The following MAML3 variants were observed in gnomAD, a reference collection of about 807,000 sequenced individuals.
MAML3 encodes the protein mastermind like transcriptional coactivator 3.
In MAML3, 27 loss-of-function variants were observed where a neutral mutation model predicts 101.9. That is an observed-to-expected ratio of 0.27 (90% CI 0.20 to 0.37). The LOEUF (loss-of-function observed/expected upper bound fraction) is 0.37. Ranked by LOEUF, MAML3 falls within the 10% of genes least tolerant of loss-of-function variation. The pLI is 1.00. For synonymous variants in MAML3, 501 were observed against 555.9 expected (o/e 0.90, Z 1.39); for missense variants, 1,316 against 1,444.9 (o/e 0.91, Z 1.45).
intron 1 of MAML3, among the ~76,000 whole-genome samples, chr4:139,909,335 T>G (rs1732876398): frequency 6.6e-6 from 1 of 152,220 alleles, no homozygotes. Context: ...GCATGAATAT[T>G]TAACGAACAG....
At chr4:139,741,991 C>T (rs114391083) in intron 2 of MAML3, among the ~76,000 whole-genome samples, 9,311 of 152,050 alleles carry the variant, frequency 0.061, 477 homozygotes, top group Admixed American at 0.14. Flanking sequence ...TGGAGACACA[C>T]GGGCATAAAA....
intron 4 of MAML3, among the ~76,000 whole-genome samples, chr4:139,722,004 A>T (rs1286296137): frequency 6.6e-6 from 1 of 152,218 alleles, no homozygotes; most frequent in African/African-American, 2.4e-5. Flanking sequence ...GATTGATTGG[A>T]TAGACCCAAA....
intron 2 of MAML3, among the ~76,000 whole-genome samples, chr4:139,811,163 A>G (rs937522049): frequency 3.3e-5 from 5 of 152,230 alleles, no homozygotes; most frequent in African/African-American, 1.2e-4. Flanking sequence ...GGAAAATGAA[A>G]CTTTTTAAAA....
At chr4:139,765,512 C>A (rs1243229554) in intron 2 of MAML3, among the ~76,000 whole-genome samples, 1 of 152,182 alleles carries the variant, frequency 6.6e-6, no homozygotes, top group African/African-American at 2.4e-5. Flanking sequence ...CTAAAGGATT[C>A]CAATGTAATA....
intron 3 of MAML3, among the ~76,000 whole-genome samples, chr4:139,728,635 C>T (rs180755500): frequency 6.6e-6 from 1 of 152,312 alleles, no homozygotes; most frequent in African/African-American, 2.4e-5. Context: ...ACAGTTGCTA[C>T]GGAATGATCC....
At chr4:140,115,323 C>A (rs1199816686) in intron 1 of MAML3, among the ~76,000 whole-genome samples, 1 of 152,188 alleles carries the variant, frequency 6.6e-6, no homozygotes, top group Non-Finnish European at 1.5e-5. Context: ...TCTCAATTAA[C>A]ACAAATGCTT....
At chr4:139,846,407 C>T (rs1457931838) in intron 2 of MAML3, among the ~76,000 whole-genome samples, 1 of 152,080 alleles carries the variant, frequency 6.6e-6, no homozygotes, top group African/African-American at 2.4e-5. Flanking sequence ...AGTGCAGTGG[C>T]ACAATCATAG....
In MAML3 at chr4:140,152,943, T is replaced by C. The variant is rs368500112; in HGVS notation, c.385A>G (p.Thr129Ala). 63 of 1,612,452 alleles carry C rather than the reference T, an allele frequency of 3.9e-5. No individual in the cohort carries two copies. The highest frequency in any genetic ancestry group is 4.7e-5 in the Non-Finnish European group (56 of 1,179,558). The stretch of plus-strand genomic sequence containing the variant: ...TTGCTCGGGTGCTGCTGTTTGCCGG[T>C]GCCGGCGCCCGATTTCTTGGCCCTC... ...EQRAKKSGAG[T>A]GKQQHPSKPQ... is the part of the protein sequence containing the mutation. Residue 129 changes from threonine to alanine, a missense_variant, in exon 1 of 5, where the codon ACC becomes GCC. Coordinates refer to ENST00000509479, the MANE Select transcript of MAML3 (RefSeq NM_018717.5).
chr4:140,092,086 AC>A (rs1728064381), intron 1 of MAML3, among the ~76,000 whole-genome samples: 1 of 59,550 alleles, frequency 1.7e-5, no homozygotes, highest in Non-Finnish European at 5.1e-5. Flanking sequence ...GTATATATAT[AC>A]GTATATATAT....
At chr4:140,119,331 A>T (rs937663124) in intron 1 of MAML3, among the ~76,000 whole-genome samples, 3 of 152,206 alleles carry the variant, frequency 2.0e-5, no homozygotes, top group Non-Finnish European at 4.4e-5. Flanking sequence ...GCATGAAAGG[A>T]ACCCAGATTC....
At chr4:139,902,599 G>T (rs1027391495) in intron 1 of MAML3, among the ~76,000 whole-genome samples, 1 of 152,100 alleles carries the variant, frequency 6.6e-6, no homozygotes, top group African/African-American at 2.4e-5. Context: ...CATTTGAGCC[G>T]CTCTGAAAAT....
chr4:139,953,318 C>T (rs1217930122), intron 1 of MAML3, among the ~76,000 whole-genome samples: 3 of 152,106 alleles, frequency 2.0e-5, no homozygotes, highest in East Asian at 1.9e-4. Flanking sequence ...ATATGTTAAC[C>T]GCTCAAAAGT....
chr4:139,878,807 G>C (rs1732164914), intron 2 of MAML3, among the ~76,000 whole-genome samples: 1 of 152,220 alleles, frequency 6.6e-6, no homozygotes, highest in African/African-American at 2.4e-5. Context: ...CCTGAGAGCA[G>C]TCTTGCTCTG....
chr4:139,962,251 A>G (rs926193996), intron 1 of MAML3, among the ~76,000 whole-genome samples: 2 of 152,148 alleles, frequency 1.3e-5, no homozygotes, highest in African/African-American at 4.8e-5. Flanking sequence ...GCCTTTCTCA[A>G]TAGGTGTTGC....
intron 1 of MAML3, among the ~76,000 whole-genome samples, chr4:140,152,110 C>T (rs1000705418): frequency 6.6e-6 from 1 of 152,190 alleles, no homozygotes; most frequent in Admixed American, 6.5e-5. Context: ...CCGCTCCCCT[C>T]TTAACCCTCC....
At chr4:139,820,592 C>T (rs1730957262) in intron 2 of MAML3, among the ~76,000 whole-genome samples, 1 of 152,148 alleles carries the variant, frequency 6.6e-6, no homozygotes. Flanking sequence ...AAAAATCCAA[C>T]CTCAAGTTAT....
intron 1 of MAML3, among the ~76,000 whole-genome samples, chr4:139,998,322 C>G (rs899375356): frequency 1.1e-4 from 17 of 151,196 alleles, no homozygotes; most frequent in Non-Finnish European, 2.9e-5. Context: ...ATACTTTTAA[C>G]TCCAGAATTT....
At chr4:139,950,267 C>A (rs770613245) in intron 1 of MAML3, among the ~76,000 whole-genome samples, 12 of 152,166 alleles carry the variant, frequency 7.9e-5, no homozygotes, top group Non-Finnish European at 1.6e-4. Flanking sequence ...GTCTCAAACT[C>A]CTGACCTCGT....
intron 2 of MAML3, among the ~76,000 whole-genome samples, chr4:139,755,526 T>C (rs1371084099): frequency 6.6e-6 from 1 of 152,172 alleles, no homozygotes; most frequent in Non-Finnish European, 1.5e-5. Flanking sequence ...GAGAATGGCG[T>C]GAACCCGGGA....
Sources: gnomAD v4.1 joint callset for allele counts (sites outside exome capture counted in the v4.1 genomes callset) on GRCh38, gnomAD v4.1.1 for gene constraint, MANE v1.5 for transcripts, NCBI Gene and HGNC (gene_info 2026-07-23, HGNC 2026-07-21) for gene names.